HSD17B12: variants seen among roughly 807,000 people sequenced by gnomAD.
HSD17B12 encodes the protein hydroxysteroid 17-beta dehydrogenase 12, also known as very-long-chain 3-oxoacyl-CoA reductase.
HSD17B12 carries 32 observed loss-of-function variants against 39.3 expected under a neutral mutation model. The observed-to-expected ratio is 0.81, with a 90% CI of 0.61 to 1.09. The LOEUF is 1.09. HSD17B12 is among the 50% of genes least tolerant of loss of function. The pLI, the probability that HSD17B12 is intolerant of heterozygous loss-of-function variation, is 0.00. For missense variants in HSD17B12, 342 were observed against 382.9 expected, an observed-to-expected ratio of 0.89 and a Z score of 0.89; for synonymous variants, 150 against 146.7, an observed-to-expected ratio of 1.02 and a Z score of -0.16.
intron 6 of HSD17B12, among the ~76,000 whole-genome samples, chr11:43,825,245 A>G (rs556469399): frequency 3.3e-5 from 5 of 152,070 alleles, no homozygotes; most frequent in Admixed American, 1.3e-4. Flanking sequence ...TTGAAAATCT[A>G]TTTTTTCCTT....
chr11:43,590,437 C>CAAA, the HSD17B12 span, among the ~76,000 whole-genome samples: 5 of 66,258 alleles, frequency 7.5e-5, no homozygotes, highest in Non-Finnish European at 8.2e-5. Flanking sequence ...TTAAGTTTAG[C>CAAA]AAAAAAAAAA....
At chr11:43,791,879 A>G (rs1950870936) in intron 3 of HSD17B12, among the ~76,000 whole-genome samples, 1 of 152,238 alleles carries the variant, frequency 6.6e-6, no homozygotes, top group Admixed American at 6.5e-5. Flanking sequence ...TTGGTTTGAG[A>G]TAGAATCCTG....
At chr11:43,797,082 A>G (rs1317045937) in intron 3 of HSD17B12, among the ~76,000 whole-genome samples, 2 of 152,182 alleles carry the variant, frequency 1.3e-5, no homozygotes, top group African/African-American at 4.8e-5. Context: ...CAGTTTATTC[A>G]TGGATTTCTA....
chr11:43,609,529 C>T, the HSD17B12 span, among the ~76,000 whole-genome samples: 1 of 151,866 alleles, frequency 6.6e-6, no homozygotes, highest in African/African-American at 2.4e-5. Flanking sequence ...CCATGCCAGG[C>T]TAATTTTTTA....
Position 43,720,995 on chromosome 11 carries a change from T to TA in HSD17B12, c.161-29916_161-29915insA, listed in dbSNP as rs567246143. On this transcript the variant is annotated intron_variant, in intron 1 of 10. Transcript: ENST00000278353. ...CTGGAAATTGCCTGATTTACTCCCTTTCATGACCTCTTGGCTCCTATAGGT... is the reference window on the plus strand; with the variant it reads ...CTGGAAATTGCCTGATTTACTCCCTTATCATGACCTCTTGGCTCCTATAGGT... Among the ~76,000 whole-genome samples, 279 of 152,236 alleles carry TA rather than the reference T, an allele frequency of 1.8e-3. 2 individuals carry two copies. Among genetic ancestry groups the TA allele is most frequent in the African/African-American group, 6.4e-3 (266 of 41,538 alleles).
the HSD17B12 span, among the ~76,000 whole-genome samples, chr11:43,668,690 G>C: frequency 2.0e-5 from 3 of 151,942 alleles, no homozygotes; most frequent in African/African-American, 7.2e-5. Flanking sequence ...AGAATTAAAG[G>C]TTTTTCAATA....
the HSD17B12 span, among the ~76,000 whole-genome samples, chr11:43,572,282 G>A: frequency 6.6e-6 from 1 of 152,174 alleles, no homozygotes; most frequent in Non-Finnish European, 1.5e-5. Context: ...GAAATAGGAT[G>A]GAGGGGTCTC....
At chr11:43,782,257 C>G (rs1353366780) in intron 3 of HSD17B12, among the ~76,000 whole-genome samples, 1 of 152,186 alleles carries the variant, frequency 6.6e-6, no homozygotes, top group African/African-American at 2.4e-5. Context: ...CTGTATTATG[C>G]AGCATAGATG....
intron 1 of HSD17B12, among the ~76,000 whole-genome samples, chr11:43,690,241 A>G (rs992405088): frequency 2.0e-5 from 3 of 151,158 alleles, no homozygotes; most frequent in Non-Finnish European, 4.4e-5. Flanking sequence ...GAATGTGAGC[A>G]CTGTAAGGCA....
At chr11:43,800,009 T>A (rs1950951434) in intron 4 of HSD17B12, among the ~76,000 whole-genome samples, 1 of 152,236 alleles carries the variant, frequency 6.6e-6, no homozygotes, top group South Asian at 2.1e-4. Flanking sequence ...CCTTTGTGTT[T>A]GCATGTTCTT....
the HSD17B12 span, among the ~76,000 whole-genome samples, chr11:43,657,811 C>G: frequency 2.2e-4 from 34 of 152,320 alleles, no homozygotes; most frequent in African/African-American, 7.9e-4. Context: ...GTAACCCGAC[C>G]TTTCTCTCTG....
chr11:43,751,304 A>G (rs1723665680), intron 2 of HSD17B12, among the ~76,000 whole-genome samples: 1 of 152,206 alleles, frequency 6.6e-6, no homozygotes, highest in South Asian at 2.1e-4. Context: ...TGAAAATATT[A>G]TAGGTGGTTA....
chr11:43,652,790 C>G, the HSD17B12 span, among the ~76,000 whole-genome samples: 50 of 152,118 alleles, frequency 3.3e-4, no homozygotes, highest in Non-Finnish European at 4.9e-4. Flanking sequence ...TATCTGGAAG[C>G]TCCCCACACT....
chr11:43,690,677 T>G (rs1015500792), intron 1 of HSD17B12, among the ~76,000 whole-genome samples: 1 of 151,960 alleles, frequency 6.6e-6, no homozygotes, highest in Admixed American at 6.6e-5. Context: ...AATCTAAAAA[T>G]ATAGAGTAAC....
intron 6 of HSD17B12, among the ~76,000 whole-genome samples, chr11:43,826,505 G>A (rs1951242103): frequency 6.6e-6 from 1 of 152,046 alleles, no homozygotes. Context: ...AATTAATGTA[G>A]ATCAAACCAA....
chr11:43,608,659 A>C, the HSD17B12 span, among the ~76,000 whole-genome samples: 1 of 152,218 alleles, frequency 6.6e-6, no homozygotes, highest in Non-Finnish European at 1.5e-5. Context: ...GATGTATTTA[A>C]CCAATCCCTT....
At chr11:43,626,598 G>C in the HSD17B12 span, among the ~76,000 whole-genome samples, 1 of 151,666 alleles carries the variant, frequency 6.6e-6, no homozygotes, top group Non-Finnish European at 1.5e-5. Flanking sequence ...TCAGGAAAAG[G>C]AGTATTTTTG....
chr11:43,562,516 G>C, the HSD17B12 span, among the ~76,000 whole-genome samples: 1 of 152,242 alleles, frequency 6.6e-6, no homozygotes, highest in Non-Finnish European at 1.5e-5. Flanking sequence ...GCTTGGCTCA[G>C]TGCCTGGCAC....
Position 43,831,182 on chromosome 11 carries a change from G to T in HSD17B12, c.536+172G>T. 1 of 477,588 alleles carries T rather than the reference G, an allele frequency of 2.1e-6. No homozygotes were observed. 29.6% of individuals were successfully genotyped at this position (477,588 alleles called of 1,614,324 possible). On this transcript the variant is annotated intron_variant, in intron 7 of 10. Transcript: ENST00000278353. The surrounding 1 kb of genome is among the most constrained non-coding windows in gnomAD (Gnocchi z 4.1). ...CAGTAGAGCATGAGTCATCGGTGGT[G>T]GAGGCCTTTTCCACTCGATTCCCTT...
Sources: gnomAD v4.1 joint callset for allele counts (sites outside exome capture counted in the v4.1 genomes callset) on GRCh38, gnomAD v4.1.1 for gene constraint, Gnocchi (gnomAD v3.1) non-coding constraint, MANE v1.5 for transcripts, NCBI Gene and HGNC (gene_info 2026-07-23, HGNC 2026-07-21) for gene names.